ZFP91: variants seen among roughly 807,000 people sequenced by gnomAD.
The protein encoded by ZFP91 is ZFP91 zinc finger protein, atypical E3 ubiquitin ligase.
A neutral mutation model predicts 63.5 loss-of-function variants in ZFP91; 7 were observed. That is an observed-to-expected ratio of 0.11 (90% confidence interval 0.06 to 0.21). The LOEUF is 0.21. Ranked by LOEUF, ZFP91 falls within the 10% of genes least tolerant of loss-of-function variation. The probability of loss-of-function intolerance (pLI) is 1.00; values close to 1 mark genes in which losing one functional copy is unlikely to be tolerated. For missense variants in ZFP91, 628 were observed against 736.6 expected (o/e 0.85, Z 1.71); for synonymous variants, 330 against 272.1 (o/e 1.21, Z -2.10).
chr11:58,593,106 G>T (rs1855335625), intron 2 of ZFP91, among the ~76,000 whole-genome samples: 1 of 152,182 alleles, frequency 6.6e-6, no homozygotes, highest in South Asian at 2.1e-4. Flanking sequence ...CAATATTAGG[G>T]ATCACATTTC....
intron 1 of ZFP91, 28 bp from the exon 2 acceptor site, chr11:58,584,828 A>G (rs1855177560): frequency 2.0e-6 from 3 of 1,533,012 alleles, no homozygotes; most frequent in Non-Finnish European, 1.7e-6. Context: ...TAGATTGTTC[A>G]TTAATGTTTG....
At chr11:58,606,520 A>G in intron 2 of ZFP91, among the ~76,000 whole-genome samples, 1 of 152,038 alleles carries the variant, frequency 6.6e-6, no homozygotes, top group Admixed American at 6.6e-5. Flanking sequence ...CTTTTATTTT[A>G]GATTCGGGGG....
rs1383308506 is a variant in ZFP91, at chr11:58,579,394, C to T, written c.113C>T (p.Ala38Val). ...EPQQRPPEAV[A>V]AAPAGTTSSR... ...CAACAACGGCCCCCTGAGGCGGTCG[C>T]GGCGGCGCCTGCAGGGACCACTAGC... is the stretch of plus-strand genomic sequence containing the variant. Residue 38 changes from alanine to valine, a missense_variant, in exon 1 of 11, where the codon GCG becomes GTG. Ala to Val is a moderately conservative substitution (Grantham distance 64). Transcript: ENST00000316059. The T allele has an allele frequency of 1.4e-6, 2 of 1,472,332 alleles. No homozygotes were observed. Among genetic ancestry groups the T allele is most frequent in the South Asian group, 1.3e-5 (1 of 76,456 alleles). The allele number at this position is 1,472,332 out of a possible 1,614,324, so 91.2% of individuals were successfully genotyped here.
At chr11:58,595,542 G>A (rs1283518371) in intron 2 of ZFP91, among the ~76,000 whole-genome samples, 1 of 150,792 alleles carries the variant, frequency 6.6e-6, no homozygotes, top group African/African-American at 2.4e-5. Flanking sequence ...AGAAGAATTA[G>A]AAGAAAACAT....
chr11:58,605,495 G>A (rs966199132), intron 2 of ZFP91, among the ~76,000 whole-genome samples: 1 of 151,870 alleles, frequency 6.6e-6, no homozygotes, highest in Non-Finnish European at 1.5e-5. Context: ...TGATTTTCTG[G>A]TAATGTCTTA....
rs1219818910 is a variant in ZFP91, at chr11:58,601,297, C to T, written c.371-8533C>T. 2.6e-5 allele frequency among the ~76,000 whole-genome samples: 4 copies of T among 152,248 alleles called. No individual in the cohort carries two copies. The South Asian group carries it at 8.3e-4, about 32-fold the overall frequency. Reference sequence around the variant, plus strand: ...GTTGTCTACTTGTTAAAGATATGTTCATCTTTTCCATTTCTTGTTGAATTG... The same window carrying T: ...GTTGTCTACTTGTTAAAGATATGTTTATCTTTTCCATTTCTTGTTGAATTG... On this transcript the variant is annotated intron_variant, in intron 2 of 10. Coordinates refer to ENST00000316059, the MANE Select transcript of ZFP91 (RefSeq NM_053023.5).
chr11:58,608,964 G>A (rs1459978633), intron 2 of ZFP91, among the ~76,000 whole-genome samples: 1 of 152,102 alleles, frequency 6.6e-6, no homozygotes, highest in East Asian at 1.9e-4. Context: ...TTTGCCATGA[G>A]GAAAATTGTT....
At chr11:58,593,168 G>A (rs775524235) in intron 2 of ZFP91, among the ~76,000 whole-genome samples, 81 of 152,134 alleles carry the variant, frequency 5.3e-4, no homozygotes, top group Non-Finnish European at 9.6e-4. Context: ...ACTGCACGGT[G>A]ACCACAGTTA....
At chr11:58,591,012 C>A (rs1318086638) in intron 2 of ZFP91, among the ~76,000 whole-genome samples, 1 of 151,882 alleles carries the variant, frequency 6.6e-6, no homozygotes, top group East Asian at 1.9e-4. Context: ...TACATGTACT[C>A]TTGTTTCTCC....
chr11:58,600,858 A>T (rs1355599245), intron 2 of ZFP91, among the ~76,000 whole-genome samples: 3 of 152,120 alleles, frequency 2.0e-5, no homozygotes, highest in Admixed American at 2.0e-4. Context: ...TGTTCTTATC[A>T]TGAAAGTTTA....
intron 1 of ZFP91, among the ~76,000 whole-genome samples, chr11:58,581,505 C>T (rs896379222): frequency 5.3e-4 from 80 of 152,108 alleles, no homozygotes; most frequent in African/African-American, 1.9e-3. Flanking sequence ...GCATTACAGG[C>T]GCCCGCCACC....
intron 2 of ZFP91, among the ~76,000 whole-genome samples, chr11:58,591,661 T>C (rs1855308580): frequency 6.6e-6 from 1 of 152,242 alleles, no homozygotes. Flanking sequence ...TTGTTTTTTT[T>C]CTGGACATTT....
chr11:58,583,340 A>G (rs1187204139), intron 1 of ZFP91, among the ~76,000 whole-genome samples: 2 of 152,120 alleles, frequency 1.3e-5, no homozygotes, highest in Non-Finnish European at 2.9e-5. Context: ...GTCTTCCTTC[A>G]GGTTCAGATT....
Position 58,617,058 on chromosome 11 carries a change from T to C in ZFP91, c.1203-138T>C. The C allele has an allele frequency of 1.1e-6, 1 of 907,364 alleles. No homozygotes were observed. Among genetic ancestry groups the C allele is most frequent in the Non-Finnish European group, 1.6e-6 (1 of 618,154 alleles). The allele number at this position is 907,364 out of a possible 1,614,324, so 56.2% of individuals were successfully genotyped here. ...ATTTCCCAATCCTTCAAAAGAAGTA[T>C]GTTACTGATTATTGTGTGTGTGTGT... On this transcript the variant is annotated intron_variant, in intron 10 of 10. Coordinates refer to ENST00000316059, the MANE Select transcript of ZFP91 (RefSeq NM_053023.5). The surrounding 1 kb of genome is among the most constrained non-coding windows in gnomAD (Gnocchi z 4.2).
rs1590632713 is a variant in ZFP91 at position 58,618,012 on chromosome 11, C to T, written c.*306C>T. ...TCCAGCCATCAGCAGACTTCCTGCT[C>T]ATCGGCAGATCCCCCTTTCCAACCT... On this transcript the variant is annotated 3_prime_UTR_variant, in exon 11 of 11. Coordinates refer to ENST00000316059, the MANE Select transcript of ZFP91 (RefSeq NM_053023.5). 4 of 254,324 alleles carry T rather than the reference C, an allele frequency of 1.6e-5. No individual in the cohort carries two copies. The East Asian group carries it at 3.0e-4, about 19-fold the overall frequency. The allele number at this position is 254,324 out of a possible 1,614,324, so 15.8% of individuals were successfully genotyped here.
At chr11:58,593,494 TA>T (rs1855344143) in intron 2 of ZFP91, among the ~76,000 whole-genome samples, 1 of 152,218 alleles carries the variant, frequency 6.6e-6, no homozygotes, top group Admixed American at 6.5e-5. Flanking sequence ...GTTTTTAATA[TA>T]TTTTTTAATG....
Position 58,617,830 on chromosome 11 carries a change from G to T in ZFP91, c.*124G>T, listed in dbSNP as rs112569218. ...AACTGAAGGGCCTGCTCTTTCCATT[G>T]TGGATCACAGCACACACATACATAC... is the stretch of plus-strand genomic sequence containing the variant. On this transcript the variant is annotated 3_prime_UTR_variant, in exon 11 of 11. Transcript: ENST00000316059. The surrounding 1 kb of genome is among the most constrained non-coding windows in gnomAD (Gnocchi z 4.2). 2.9e-3 allele frequency: 3,905 copies of T among 1,336,964 alleles called. 11 individuals carry two copies. Among genetic ancestry groups the T allele is most frequent in the Non-Finnish European group, 2.9e-3 (2,938 of 1,024,372 alleles). The allele number at this position is 1,336,964 out of a possible 1,614,324, so 82.8% of individuals were successfully genotyped here.
At chr11:58,583,469 C>G (rs977733422) in intron 1 of ZFP91, among the ~76,000 whole-genome samples, 8 of 152,000 alleles carry the variant, frequency 5.3e-5, no homozygotes, top group Admixed American at 3.9e-4. Context: ...TTTTGAAGGT[C>G]ATGGATAGTG....
At chr11:58,587,293 C>T (rs1203836842) in intron 2 of ZFP91, among the ~76,000 whole-genome samples, 1 of 152,064 alleles carries the variant, frequency 6.6e-6, no homozygotes, top group Non-Finnish European at 1.5e-5. Context: ...GTGTCTGGCG[C>T]TATTCTAGGC....
Sources: allele counts gnomAD v4.1 joint callset (sites outside exome capture counted in the v4.1 genomes callset), GRCh38; gene constraint gnomAD v4.1.1; non-coding constraint Gnocchi (gnomAD v3.1); transcripts MANE v1.5; gene names NCBI Gene and HGNC (gene_info 2026-07-23, HGNC 2026-07-21).